Variants in NCKAP5 observed in about 807,000 individuals in gnomAD.
NCKAP5 encodes nck-associated protein 5.
NCKAP5 carries 92 observed loss-of-function variants against 167.0 expected under a neutral mutation model. That is an observed-to-expected ratio of 0.55 (90% CI 0.47 to 0.66). The LOEUF is 0.66. Among genes scored for constraint, NCKAP5 ranks in the 30% least tolerant of loss-of-function variants. NCKAP5 has a pLI of 0.00. For missense variants in NCKAP5, 2,378 were observed against 2,315.0 expected (o/e 1.03, Z -0.56); for synonymous variants, 891 against 877.4 (o/e 1.02, Z -0.27).
chr2:132,901,533 C>T (rs1244830552), intron 8 of NCKAP5, among the ~76,000 whole-genome samples: 1 of 152,050 alleles, frequency 6.6e-6, no homozygotes, highest in Non-Finnish European at 1.5e-5. Flanking sequence ...AAAATAATAC[C>T]CACAATGCAA....
the NCKAP5 span, among the ~76,000 whole-genome samples, chr2:133,597,814 G>A: frequency 6.6e-6 from 1 of 152,180 alleles, no homozygotes; most frequent in South Asian, 2.1e-4. Context: ...GCCAGTGGAT[G>A]CACAATCAGG....
chr2:132,790,047 G>A lies in NCKAP5; in HGVS notation c.1068C>T (p.His356=), dbSNP rs369376292. ...EYSSGSSYTW[H]DGKNLRKRQS... ...CCCTTTTCCTGAGGTTCTTCCCATC[G>A]TGCCACGTGTAGGAGGAGCCACTGG... The change falls in exon 13 of 20, where the codon CAC becomes CAT. Residue 356 remains histidine (H), a synonymous_variant. Transcript: ENST00000409261. The A allele has an allele frequency of 1.2e-4, 192 of 1,612,468 alleles. No homozygotes were observed. In the African/African-American group the frequency reaches 1.6e-3, roughly 14 times the overall value.
At chr2:132,917,707 C>G (rs1276422796) in intron 8 of NCKAP5, among the ~76,000 whole-genome samples, 1 of 152,142 alleles carries the variant, frequency 6.6e-6, no homozygotes, top group Non-Finnish European at 1.5e-5. Context: ...GGGGCTTAAA[C>G]ATCCAGCTCC....
intron 5 of NCKAP5, among the ~76,000 whole-genome samples, chr2:133,176,787 A>G (rs541746455): frequency 2.0e-5 from 3 of 152,322 alleles, no homozygotes; most frequent in Admixed American, 6.5e-5. Flanking sequence ...AAATCTATAA[A>G]CAATGCCCAG....
At chr2:133,400,923 C>T (rs1160671767) in intron 3 of NCKAP5, among the ~76,000 whole-genome samples, 2 of 152,086 alleles carry the variant, frequency 1.3e-5, no homozygotes, top group Non-Finnish European at 2.9e-5. Context: ...CTGAGTGATA[C>T]GAATGAGGGC....
At chr2:133,286,151 A>G (rs1679113785) in intron 4 of NCKAP5, among the ~76,000 whole-genome samples, 1 of 151,724 alleles carries the variant, frequency 6.6e-6, no homozygotes, top group Admixed American at 6.6e-5. Flanking sequence ...GCCCACTACC[A>G]TGCCAGGCTA....
At chr2:132,815,334 C>G (rs943655363) in intron 11 of NCKAP5, among the ~76,000 whole-genome samples, 35 of 152,254 alleles carry the variant, frequency 2.3e-4, no homozygotes, top group African/African-American at 8.2e-4. Context: ...CTCTTAGACT[C>G]ATTTGAGAAA....
intron 3 of NCKAP5, among the ~76,000 whole-genome samples, chr2:133,492,237 GC>G (rs374970499): frequency 3.1e-4 from 47 of 151,654 alleles, no homozygotes; most frequent in Middle Eastern, 3.4e-3. Flanking sequence ...AGAAAGATTT[GC>G]CCCACCCACT....
chr2:132,700,153 C>T (rs577142040), intron 19 of NCKAP5, among the ~76,000 whole-genome samples: 188 of 152,262 alleles, frequency 1.2e-3, no homozygotes, highest in African/African-American at 4.5e-3. Context: ...TGTTCATATC[C>T]TTCACTCACT....
chr2:132,997,192 A>G (rs901283988), intron 6 of NCKAP5, among the ~76,000 whole-genome samples: 1 of 152,192 alleles, frequency 6.6e-6, no homozygotes, highest in Admixed American at 6.5e-5. Context: ...TCAGCAGCAG[A>G]GTGAGGAAAC....
chr2:133,170,033 C>T (rs1433674368), intron 5 of NCKAP5, among the ~76,000 whole-genome samples: 1 of 152,074 alleles, frequency 6.6e-6, no homozygotes, highest in Non-Finnish European at 1.5e-5. Context: ...AAATGCTTAC[C>T]TTGGATGATG....
At chr2:132,955,446 T>G (rs1419214192) in intron 8 of NCKAP5, among the ~76,000 whole-genome samples, 1 of 152,158 alleles carries the variant, frequency 6.6e-6, no homozygotes, top group Non-Finnish European at 1.5e-5. Flanking sequence ...GATTACAAGG[T>G]GGTTAAGATC....
chr2:133,597,291 G>A, the NCKAP5 span, among the ~76,000 whole-genome samples: 2 of 152,198 alleles, frequency 1.3e-5, no homozygotes, highest in African/African-American at 2.4e-5. Flanking sequence ...CAGAGACTCT[G>A]GGGATGGAGC....
At chr2:133,502,041 G>T (rs2163654) in intron 3 of NCKAP5, among the ~76,000 whole-genome samples, 1 of 151,970 alleles carries the variant, frequency 6.6e-6, no homozygotes, top group Admixed American at 6.6e-5. Flanking sequence ...TTGAGTGTCC[G>T]TTCGCCTCGC....
chr2:132,818,730 G>A (rs1686479451), intron 11 of NCKAP5, among the ~76,000 whole-genome samples: 1 of 152,142 alleles, frequency 6.6e-6, no homozygotes, highest in African/African-American at 2.4e-5. Context: ...TGCATCTTTA[G>A]TTTCATTAAA....
chr2:133,207,637 G>T (rs1373396131), intron 5 of NCKAP5, among the ~76,000 whole-genome samples: 1 of 151,036 alleles, frequency 6.6e-6, no homozygotes, highest in Non-Finnish European at 1.5e-5. Context: ...AGTGCTAAGA[G>T]AAAAAGGAAA....
chr2:133,208,220 T>C (rs1167176430), intron 5 of NCKAP5, among the ~76,000 whole-genome samples: 2 of 152,120 alleles, frequency 1.3e-5, no homozygotes, highest in Non-Finnish European at 2.9e-5. Context: ...GCACCTGTAG[T>C]TCCAATTACT....
chr2:132,848,987 CA>C (rs766677439), intron 11 of NCKAP5, among the ~76,000 whole-genome samples: 2 of 151,856 alleles, frequency 1.3e-5, no homozygotes, highest in Non-Finnish European at 2.9e-5. Context: ...AGCAAAGAAA[CA>C]ATATGAAATA....
intron 19 of NCKAP5, among the ~76,000 whole-genome samples, chr2:132,691,510 C>T (rs1398000453): frequency 6.6e-6 from 1 of 152,166 alleles, no homozygotes; most frequent in Non-Finnish European, 1.5e-5. Context: ...ACTTGCTATA[C>T]CCGCTACCTA....
Sources: gnomAD v4.1 joint callset for allele counts (sites outside exome capture counted in the v4.1 genomes callset) on GRCh38, gnomAD v4.1.1 for gene constraint, MANE v1.5 for transcripts, NCBI Gene and HGNC (gene_info 2026-07-23, HGNC 2026-07-21) for gene names.